SYNE1: variants seen among roughly 807,000 people sequenced by gnomAD.
SYNE1 encodes spectrin repeat containing nuclear envelope protein 1, also known as nesprin-1.
In SYNE1, 616 loss-of-function variants were observed where a neutral mutation model predicts 1,111.0. That is an observed-to-expected ratio of 0.55 (90% confidence interval 0.52 to 0.59). The LOEUF is 0.59. Ranked by LOEUF, SYNE1 falls within the 20% of genes least tolerant of loss-of-function variation. The pLI, the probability that SYNE1 is intolerant of heterozygous loss-of-function variation, is 0.00. For missense variants in SYNE1, 10,006 were observed against 10,417.0 expected, an observed-to-expected ratio of 0.96 and a Z score of 1.72; for synonymous variants, 3,855 against 3,825.8, an observed-to-expected ratio of 1.01 and a Z score of -0.28.
chr6:152,234,916 A>C lies in SYNE1; in HGVS notation c.20397-116T>G. 4 of 1,209,012 alleles carry C rather than the reference A, an allele frequency of 3.3e-6. No individual in the cohort carries two copies. In the South Asian group the frequency reaches 5.1e-5, roughly 16 times the overall value. The allele number at this position is 1,209,012 out of a possible 1,614,324, so 74.9% of individuals were successfully genotyped here. A position where few individuals can be genotyped will look rare whatever the true frequency, so the allele number is the denominator to read the frequency against. ...ACGAGAGGTCTGAAGATTTAGAAGA[A>C]AAATGCATGAGGTTGGCACTCTGAA... On this transcript the variant is annotated intron_variant, in intron 110 of 145. Transcript: ENST00000367255.
intron 107 of SYNE1, 91 bp from the exon 108 acceptor site, chr6:152,239,797 G>A (rs151066595): frequency 8.6e-6 from 12 of 1,388,142 alleles, no homozygotes; most frequent in South Asian, 6.0e-5. Context: ...GGTGGCTCAC[G>A]CCTGTAATCC....
At chr6:152,321,426 C>G (rs758261468) in intron 83 of SYNE1, 36 bp from the exon 84 acceptor site, 1 of 1,610,580 alleles carries the variant, frequency 6.2e-7, no homozygotes, top group South Asian at 1.1e-5. Context: ...TTTCTGGGAA[C>G]CTTCTAAGGG....
chr6:152,256,519 G>A, intron 102 of SYNE1, 115 bp downstream of exon 102: 2 of 1,353,554 alleles, frequency 1.5e-6, no homozygotes, highest in Non-Finnish European at 2.1e-6. Context: ...TATCACTAGT[G>A]TTGGGTCTCA....
intron 127 of SYNE1, among the ~76,000 whole-genome samples, chr6:152,191,926 G>C (rs2072537476): frequency 6.6e-6 from 1 of 152,030 alleles, no homozygotes; most frequent in Non-Finnish European, 1.5e-5. Context: ...GTATTACGTA[G>C]GTTTTGGTAT....
In SYNE1 at chr6:152,276,598, T is replaced by C. The variant is rs1052319575; in HGVS notation, c.18573+1491A>G. Among the ~76,000 whole-genome samples, 4 of 90,032 alleles carry C rather than the reference T, an allele frequency of 4.4e-5. No homozygotes were observed. In the Admixed American group the frequency reaches 4.8e-4, roughly 11 times the overall value. 59.1% of individuals were successfully genotyped at this position (90,032 alleles called of 152,430 possible). On this transcript the variant is annotated intron_variant, in intron 98 of 145. Transcript: ENST00000367255. Reference sequence around the variant, plus strand: ...ACAGTGAACTTCCATGAAGTTTCCGTTAACAATATTTATGTCCTACTTCCT... The same window carrying C: ...ACAGTGAACTTCCATGAAGTTTCCGCTAACAATATTTATGTCCTACTTCCT...
intron 38 of SYNE1, among the ~76,000 whole-genome samples, chr6:152,426,482 G>A (rs574732992): frequency 6.6e-6 from 1 of 152,228 alleles, no homozygotes. Context: ...CCTTACTGAC[G>A]CAATGTCAGG....
At chr6:152,362,630 G>A (rs2096954074) in intron 63 of SYNE1, among the ~76,000 whole-genome samples, 1 of 152,202 alleles carries the variant, frequency 6.6e-6, no homozygotes, top group African/African-American at 2.4e-5. Context: ...AACTGAGAGA[G>A]ATCCCCTGAG....
At chr6:152,509,218 T>C (rs1429681770) in intron 8 of SYNE1, among the ~76,000 whole-genome samples, 2 of 151,668 alleles carry the variant, frequency 1.3e-5, no homozygotes, top group Non-Finnish European at 2.9e-5. Context: ...AAAGTACTTT[T>C]TGAGAGCACT....
intron 115 of SYNE1, 91 bp downstream of exon 115, chr6:152,230,455 AT>A (rs2082533261): frequency 2.2e-6 from 3 of 1,345,262 alleles, no homozygotes; most frequent in African/African-American, 1.5e-5. Context: ...ATTTAAAAAA[AT>A]ATTTAACTTG....
rs199799056 is a variant in SYNE1 at position 152,465,407 on chromosome 6, T to C, written c.1783A>G (p.Arg595Gly). The C allele has an allele frequency of 6.2e-7, 1 of 1,613,752 alleles. No individual in the cohort carries two copies. The highest frequency in any genetic ancestry group is 1.3e-5 in the African/African-American group (1 of 75,002). Residue 595 changes from arginine (R) to glycine (G), a missense_variant, in exon 18 of 146, where the codon AGG (arginine) becomes GGG (glycine). Arg to Gly is a moderately radical substitution (Grantham distance 125, BLOSUM62 -2). This residue lies in a region of SYNE1 where 1,971 missense variants were observed against 2,084.1 expected (regional missense o/e 0.95). Transcript: ENST00000367255. ...KFMNETTAQW[R>G]NLSVEVRSVR... The stretch of plus-strand genomic sequence containing the variant: ...CTCCTCACTTCTACTGAGAGATTCC[T>C]CCACTGAGCGGTGGTTTCATTCATG...
At chr6:152,565,857 A>C (rs1293176979) in intron 3 of SYNE1, among the ~76,000 whole-genome samples, 1 of 152,190 alleles carries the variant, frequency 6.6e-6, no homozygotes, top group African/African-American at 2.4e-5. Context: ...TGTGGGGTTT[A>C]AAAGTTAGAA....
intron 74 of SYNE1, among the ~76,000 whole-genome samples, chr6:152,341,558 G>A (rs2096533991): frequency 6.6e-6 from 1 of 152,172 alleles, no homozygotes; most frequent in African/African-American, 2.4e-5. Context: ...TGGCAGCGGG[G>A]AGTGTATTAT....
intron 16 of SYNE1, among the ~76,000 whole-genome samples, chr6:152,466,633 G>T (rs1419955887): frequency 6.6e-6 from 1 of 152,002 alleles, no homozygotes; most frequent in Non-Finnish European, 1.5e-5. Flanking sequence ...ATTGCAGTAA[G>T]ACATGTTTAT....
At position 152,252,460 on chromosome 6, in the gene SYNE1, T is replaced by C. The variant is rs980986716; in HGVS notation, c.19470+2420A>G. On this transcript the variant is annotated intron_variant, in intron 104 of 145. Coordinates refer to ENST00000367255, the MANE Select transcript of SYNE1 (RefSeq NM_182961.4). ...GTAAAATTTTTGAAATACAAAATAG[T>C]TCATAATTGACTTTATTGTGATTCT... 4.6e-5 allele frequency among the ~76,000 whole-genome samples: 7 copies of C among 152,304 alleles called. No homozygotes were observed. In the East Asian group the frequency reaches 1.4e-3, roughly 29 times the overall value.
intron 11 of SYNE1, among the ~76,000 whole-genome samples, chr6:152,493,181 C>A (rs1483825156): frequency 6.6e-6 from 1 of 152,074 alleles, no homozygotes; most frequent in Non-Finnish European, 1.5e-5. Context: ...ATCATCCTTA[C>A]CCTGCTCAAC....
chr6:152,127,776 A>C (rs2054019961), intron 145 of SYNE1: 1 of 152,232 alleles, frequency 6.6e-6, no homozygotes, highest in Non-Finnish European at 1.5e-5. Context: ...ACTTCAAAAC[A>C]AATTCTACAA....
intron 10 of SYNE1, among the ~76,000 whole-genome samples, chr6:152,501,200 A>C (rs982168486): frequency 6.6e-6 from 1 of 152,104 alleles, no homozygotes; most frequent in African/African-American, 2.4e-5. Flanking sequence ...TCCGCAGTGA[A>C]TCCACCTCTC....
intron 108 of SYNE1, among the ~76,000 whole-genome samples, chr6:152,237,487 A>T (rs777264645): frequency 3.0e-4 from 45 of 150,794 alleles, no homozygotes; most frequent in Non-Finnish European, 5.5e-4. Flanking sequence ...CTTAAAAAAA[A>T]TTTTTTTGTA....
chr6:152,122,593 C>A lies in SYNE1; in HGVS notation c.26237G>T (p.Arg8746Leu). 1 of 1,614,176 alleles carries A rather than the reference C, an allele frequency of 6.2e-7. No individual in the cohort carries two copies. Among genetic ancestry groups the A allele is most frequent in the Non-Finnish European group, 8.5e-7 (1 of 1,180,038 alleles). The change falls in exon 146 of 146, where the codon CGA becomes CTA. Residue 8746 changes from arginine (R) to leucine (L), a missense_variant. Around this residue, in one of 7 missense-constraint regions of SYNE1, gnomAD observed 761 missense variants for 795.5 expected, o/e 0.96. Coordinates refer to ENST00000367255, the MANE Select transcript of SYNE1 (RefSeq NM_182961.4). ...SGRGFLFRVL[R>L]AALPLQLLLL... ...GAGAAGCTGAAGGGGAAGAGCTGCT[C>A]GGAGGACTCTGAACAGGAAGCCGCG...
Sources: gnomAD v4.1 joint callset for allele counts (sites outside exome capture counted in the v4.1 genomes callset) on GRCh38, gnomAD v4.1.1 for gene constraint, gnomAD v4.1.1 regional missense constraint, MANE v1.5 for transcripts, NCBI Gene and HGNC (gene_info 2026-07-23, HGNC 2026-07-21) for gene names.